The following FASTKD3 variants were observed in gnomAD, a reference collection of about 807,000 sequenced individuals.
FASTKD3 encodes FAST kinase domains 3.
FASTKD3 carries 47 observed loss-of-function variants against 49.7 expected under a neutral mutation model. The observed-to-expected ratio is 0.95, with a 90% CI of 0.75 to 1.21. The LOEUF (loss-of-function observed/expected upper bound fraction) is 1.21. Among genes scored for constraint, FASTKD3 ranks in the 50% most tolerant of loss-of-function variants. The probability of loss-of-function intolerance (pLI) is 0.00; values close to 1 mark genes in which losing one functional copy is unlikely to be tolerated. For missense variants in FASTKD3, 748 were observed against 765.7 expected (o/e 0.98, Z 0.27); for synonymous variants, 284 against 288.6 (o/e 0.98, Z 0.16).
At chr5:7,859,601 T>A (rs1746385109) in intron 6 of FASTKD3, 62 bp from the exon 7 acceptor site, 2 of 1,077,300 alleles carry the variant, frequency 1.9e-6, no homozygotes, top group Admixed American at 2.3e-5. Flanking sequence ...CCTCTGGCTA[T>A]TGGTTACTTT....
In FASTKD3 at chr5:7,867,450, C is replaced by T. The variant is rs1177445102; in HGVS notation, c.634G>A (p.Gly212Ser). ...ATACAAAGATTGCGAACTTCCATGC[C>T]ACCTTTTCTGAGACGATTTTGGCAT... ...AECQNRLRKG[G>S]MEVRNLCILG... The change falls in exon 2 of 7, where the codon GGC becomes AGC. Residue 212 changes from glycine to serine, a missense_variant. Around this residue, in one of 3 missense-constraint regions of FASTKD3, gnomAD observed 564 missense variants for 562.8 expected, o/e 1.00. Coordinates refer to ENST00000264669, the MANE Select transcript of FASTKD3 (RefSeq NM_024091.4). 4 of 1,614,132 alleles carry T rather than the reference C, an allele frequency of 2.5e-6. No individual in the cohort carries two copies. Among genetic ancestry groups the T allele is most frequent in the South Asian group, 1.1e-5 (1 of 91,086 alleles).
At chr5:7,863,110 A>G (rs1488153252) in intron 3 of FASTKD3, 113 bp from the exon 4 acceptor site, 1 of 884,924 alleles carries the variant, frequency 1.1e-6, no homozygotes, top group Non-Finnish European at 1.8e-6. Context: ...TATAGGCATG[A>G]TACTTTTCCA....
At chr5:7,859,715 T>C (rs919230170) in intron 6 of FASTKD3, among the ~76,000 whole-genome samples, 176 bp from the exon 7 acceptor site, 3 of 152,258 alleles carry the variant, frequency 2.0e-5, no homozygotes, top group Non-Finnish European at 4.4e-5. Flanking sequence ...GAACAGTGCC[T>C]GGCACTGAGA....
Position 7,861,244 on chromosome 5 carries a change from C to T in FASTKD3, c.1789G>A (p.Gly597Ser). The T allele has an allele frequency of 4.4e-6, 7 of 1,605,024 alleles. No individual in the cohort carries two copies. The highest frequency in any genetic ancestry group is 6.0e-6 in the Non-Finnish European group (7 of 1,173,156). Residue 597 changes from glycine to serine, a missense_variant, in exon 6 of 7, where the codon GGT (glycine) becomes AGT (serine). Transcript: ENST00000264669. ...CTATTGGAGCAAAACCTTTTTGGAC[C>T]ATCAATACACAGTGCTATCCTGAAA... Reference protein sequence around the residue: ...IHKRIALCIDGPKRFCSNSKH... With the variant: ...IHKRIALCIDSPKRFCSNSKH...
rs1205025690 is a variant in FASTKD3 at position 7,862,918 on chromosome 5, T to C, written c.1604A>G (p.Gln535Arg). 1.4e-5 allele frequency: 22 copies of C among 1,614,060 alleles called. No homozygotes were observed. Among genetic ancestry groups the C allele is most frequent in the Non-Finnish European group, 1.9e-5 (22 of 1,179,960 alleles). The stretch of plus-strand genomic sequence containing the variant: ...CCCAATCTTCACATATCTATAAAGC[T>C]GAGAATCCACAGGGGTCTCCAGGGA... ...CCSLETPVDS[Q>R]LYRYVKIGLT... Residue 535 changes from glutamine to arginine, a missense_variant, in exon 4 of 7, where the codon CAG (glutamine) becomes CGG (arginine). Transcript: ENST00000264669.
At position 7,868,757 on chromosome 5, in the gene FASTKD3, G is replaced by A. The variant is rs375669283; in HGVS notation, c.-114+222C>T. ...GCCAGTCCAGATCTAAAGACGGTGC[G>A]GGGGGATTTGGCAACACGTGTGTGC... On this transcript the variant is annotated intron_variant, in intron 1 of 6. Coordinates refer to ENST00000264669, the MANE Select transcript of FASTKD3 (RefSeq NM_024091.4). 2.1e-4 allele frequency among the ~76,000 whole-genome samples: 32 copies of A among 152,276 alleles called. No homozygotes were observed. In the East Asian group the frequency reaches 5.6e-3, roughly 27 times the overall value.
rs201918298 is a variant in FASTKD3, at chr5:7,859,542, G to C, written c.1885-3C>G. 7.6e-6 allele frequency: 12 copies of C among 1,569,230 alleles called. No individual in the cohort carries two copies. In the Admixed American group the frequency reaches 2.1e-4, roughly 28 times the overall value. ...ATCCCAATCTCATGATAGGGGATCTGTAAAGGTAGAAAAGTAAAACTGGTC... is the reference window on the plus strand; with the variant it reads ...ATCCCAATCTCATGATAGGGGATCTCTAAAGGTAGAAAAGTAAAACTGGTC... On this transcript the variant is annotated splice_polypyrimidine_tract_variant and splice_region_variant and intron_variant, in intron 6 of 6. Coordinates refer to ENST00000264669, the MANE Select transcript of FASTKD3 (RefSeq NM_024091.4).
chr5:7,861,189 T>C lies in FASTKD3; in HGVS notation c.1844A>G (p.Lys615Arg). ...ACCGAGTAACTGTAGGTGTCTTTGTTTAATAGCTTCTTTCCCCAGTAAGTG... is the reference window on the plus strand; with the variant it reads ...ACCGAGTAACTGTAGGTGTCTTTGTCTAATAGCTTCTTTCCCCAGTAAGTG... ...SKHLLGKEAI[K>R]QRHLQLLGYQ... The change falls in exon 6 of 7, where the codon AAA becomes AGA. Residue 615 changes from lysine (K) to arginine (R), a missense_variant. Lys to Arg is a conservative substitution (Grantham distance 26, BLOSUM62 2). Around this residue, in one of 3 missense-constraint regions of FASTKD3, gnomAD observed 178 missense variants for 182.2 expected, o/e 0.98. Coordinates refer to ENST00000264669, the MANE Select transcript of FASTKD3 (RefSeq NM_024091.4). 6.2e-7 allele frequency: 1 copy of C among 1,612,790 alleles called. No homozygotes were observed. The highest frequency in any genetic ancestry group is 1.1e-5 in the South Asian group (1 of 90,878).
At position 7,862,998 on chromosome 5, in the gene FASTKD3, C is replaced by T. The variant is rs748028343; in HGVS notation, c.1525-1G>A. Reference sequence around the variant, plus strand: ...GATATTTAGGAAGGAGTTTTGGACCCTAAAAAATCATAAGTGCAAATGTGA... The same window carrying T: ...GATATTTAGGAAGGAGTTTTGGACCTTAAAAAATCATAAGTGCAAATGTGA... On this transcript the variant is annotated splice_acceptor_variant, in intron 3 of 6. Coordinates refer to ENST00000264669, the MANE Select transcript of FASTKD3 (RefSeq NM_024091.4). LOFTEE classifies it high-confidence loss of function. 1 of 1,610,244 alleles carries T rather than the reference C, an allele frequency of 6.2e-7. No individual in the cohort carries two copies.
In FASTKD3 at chr5:7,867,806, T is replaced by C. The variant is rs79525539; in HGVS notation, c.278A>G (p.Asn93Ser). The change falls in exon 2 of 7, where the codon AAT (asparagine) becomes AGT (serine). Residue 93 changes from asparagine to serine, a missense_variant. By Grantham distance (46) the Asn-to-Ser change is conservative. Coordinates refer to ENST00000264669, the MANE Select transcript of FASTKD3 (RefSeq NM_024091.4). ...CATCTGACTCTCCTCATTTTTAACATTTTGTTCAAGCCTGTCGCAGTCAGA... is the reference window on the plus strand; with the variant it reads ...CATCTGACTCTCCTCATTTTTAACACTTTGTTCAAGCCTGTCGCAGTCAGA... The part of the protein sequence containing the change: ...QVSDCDRLEQ[N>S]VKNEESQMFY... 6.2e-4 allele frequency: 993 copies of C among 1,614,200 alleles called. 13 individuals carry two copies. In the African/African-American group the frequency reaches 0.012, roughly 19 times the overall value.
At chr5:7,860,408 T>A (rs2126589422) in intron 6 of FASTKD3, among the ~76,000 whole-genome samples, 1 of 152,362 alleles carries the variant, frequency 6.6e-6, no homozygotes, top group South Asian at 2.1e-4. Flanking sequence ...TAATGGATTA[T>A]CTTGTTCATT....
intron 1 of FASTKD3, among the ~76,000 whole-genome samples, 175 bp downstream of exon 1, chr5:7,868,804 C>T (rs137971893): frequency 2.0e-5 from 3 of 152,198 alleles, no homozygotes; most frequent in African/African-American, 4.8e-5. Flanking sequence ...ACGGGAGGCC[C>T]CGCGGCGCGT....
At chr5:7,865,824 G>T in intron 3 of FASTKD3, 74 bp downstream of exon 3, 1 of 1,146,844 alleles carries the variant, frequency 8.7e-7, no homozygotes, top group Non-Finnish European at 1.3e-6. Flanking sequence ...TATTGAGACA[G>T]ATCAGAAGTA....
At chr5:7,868,632 G>C (rs1747251311) in intron 1 of FASTKD3, among the ~76,000 whole-genome samples, 1 of 152,206 alleles carries the variant, frequency 6.6e-6, no homozygotes, top group African/African-American at 2.4e-5. Flanking sequence ...TCGGTGTCGG[G>C]AGAAGGTTAG....
At chr5:7,863,452 C>T (rs1746696899) in intron 3 of FASTKD3, among the ~76,000 whole-genome samples, 1 of 152,172 alleles carries the variant, frequency 6.6e-6, no homozygotes. Flanking sequence ...CTTTTAAGCA[C>T]AGACAGGCTG....
intron 3 of FASTKD3, among the ~76,000 whole-genome samples, chr5:7,863,744 A>G (rs1746717468): frequency 6.6e-6 from 1 of 152,228 alleles, no homozygotes; most frequent in East Asian, 1.9e-4. Context: ...GTCATCCATG[A>G]CAGATGCTAA....
chr5:7,869,022 T>C lies in FASTKD3; in HGVS notation c.-157A>G. ...CACTCCGGGTGGTCGCGGAAGCGCC[T>C]GGGCGTCGTGGGCCTCCGTAGCAAA... On this transcript the variant is annotated 5_prime_UTR_variant, in exon 1 of 7. Coordinates refer to ENST00000264669, the MANE Select transcript of FASTKD3 (RefSeq NM_024091.4). The C allele has an allele frequency of 1.5e-6, 2 of 1,298,860 alleles. No individual in the cohort carries two copies. The highest frequency in any genetic ancestry group is 2.2e-6 in the Non-Finnish European group (2 of 899,806). The allele number at this position is 1,298,860 out of a possible 1,614,324, so 80.5% of individuals were successfully genotyped here.
intron 6 of FASTKD3, 130 bp from the exon 7 acceptor site, chr5:7,859,669 C>T: frequency 3.6e-6 from 2 of 560,930 alleles, no homozygotes; most frequent in Non-Finnish European, 6.3e-6. Flanking sequence ...GGCAAATATC[C>T]CAACCAGCTT....
intron 6 of FASTKD3, 128 bp from the exon 7 acceptor site, chr5:7,859,667 TC>T: frequency 5.3e-6 from 3 of 567,762 alleles, no homozygotes; most frequent in Non-Finnish European, 6.2e-6. Context: ...AAGGCAAATA[TC>T]CCAACCAGCT....
Sources: allele counts gnomAD v4.1 joint callset (sites outside exome capture counted in the v4.1 genomes callset), GRCh38; gene constraint gnomAD v4.1.1; regional missense constraint gnomAD v4.1.1; transcripts MANE v1.5; gene names NCBI Gene and HGNC (gene_info 2026-07-23, HGNC 2026-07-21).